Variants in TSHR observed in about 807,000 individuals in gnomAD.
TSHR encodes the protein thyrotropin receptor.
In TSHR, 51 loss-of-function variants were observed where a neutral mutation model predicts 64.1. The observed-to-expected ratio is 0.80, with a 90% CI of 0.64 to 1.01. The LOEUF (loss-of-function observed/expected upper bound fraction) is 1.01. TSHR is among the 50% of genes least tolerant of loss of function. The probability of loss-of-function intolerance (pLI) is 0.00; values close to 1 mark genes in which losing one functional copy is unlikely to be tolerated. For missense variants in TSHR, 877 were observed against 942.8 expected, an observed-to-expected ratio of 0.93 and a Z score of 0.91; for synonymous variants, 361 against 361.9, an observed-to-expected ratio of 1.00 and a Z score of 0.03.
chr14:81,145,133 G>C lies in TSHR; in HGVS notation c.*780G>C, dbSNP rs1891879410. The C allele has an allele frequency of 4.3e-6, 1 of 232,986 alleles. No homozygotes were observed. Among genetic ancestry groups the C allele is most frequent in the Admixed American group, 5.6e-5 (1 of 17,774 alleles). 14.4% of individuals were successfully genotyped at this position (232,986 alleles called of 1,614,324 possible). ...AGTCTTTCTGAGTAGCAATAAGTGG[G>C]AATTATGGGCAGAGCACACTCAATC... On this transcript the variant is annotated 3_prime_UTR_variant, in exon 10 of 10. Coordinates refer to ENST00000298171, the MANE Select transcript of TSHR (RefSeq NM_000369.5).
chr14:81,038,534 T>C (rs1298477891), intron 1 of TSHR, among the ~76,000 whole-genome samples: 2 of 150,344 alleles, frequency 1.3e-5, no homozygotes, highest in Non-Finnish European at 3.0e-5. Flanking sequence ...ATAGAAAACA[T>C]CAATGAAACA....
chr14:81,008,881 A>T (rs911175070), intron 1 of TSHR, among the ~76,000 whole-genome samples: 7 of 152,196 alleles, frequency 4.6e-5, no homozygotes. Flanking sequence ...TCTGTCCATG[A>T]TATATAGCAA....
chr14:81,143,969 G>A lies in TSHR; in HGVS notation c.1911G>A (p.Met637Ile), dbSNP rs1891824032. 3 of 1,614,038 alleles carry A rather than the reference G, an allele frequency of 1.9e-6. No individual in the cohort carries two copies. Among genetic ancestry groups the A allele is most frequent in the Non-Finnish European group, 2.5e-6 (3 of 1,180,010 alleles). ...AVLIFTDFICMAPISFYALSA... is the reference protein window; with the variant it reads ...AVLIFTDFICIAPISFYALSA... ...TGATCTTCACCGACTTCATATGCAT[G>A]GCCCCAATCTCATTCTATGCTCTGT... Residue 637 changes from methionine (M) to isoleucine (I), a missense_variant, in exon 10 of 10, where the codon ATG (methionine) becomes ATA (isoleucine). Coordinates refer to ENST00000298171, the MANE Select transcript of TSHR (RefSeq NM_000369.5).
intron 1 of TSHR, among the ~76,000 whole-genome samples, chr14:80,957,467 A>C (rs200303472): frequency 2.6e-4 from 10 of 38,622 alleles, no homozygotes; most frequent in African/African-American, 1.1e-3. Flanking sequence ...CAGAAAAAAC[A>C]AAAAAAAAAA....
chr14:81,092,520 C>G lies in TSHR; in HGVS notation c.468-11C>G, dbSNP rs1566808467. On this transcript the variant is annotated splice_polypyrimidine_tract_variant and intron_variant, in intron 5 of 9. Coordinates refer to ENST00000298171, the MANE Select transcript of TSHR (RefSeq NM_000369.5). ...TTTTTCATTAAGTGTTTTTGTCCCT[C>G]TCTCTTGCAGTGAAATTACAGACAA... The G allele has an allele frequency of 1.9e-6, 3 of 1,613,806 alleles. No homozygotes were observed. Among genetic ancestry groups the G allele is most frequent in the Non-Finnish European group, 2.5e-6 (3 of 1,179,822 alleles).
intron 1 of TSHR, chr14:80,994,131 A>G (rs1343236571): frequency 6.6e-6 from 1 of 152,094 alleles, no homozygotes; most frequent in Non-Finnish European, 1.5e-5. Context: ...TGAATAGTAA[A>G]TATAGTTTCT....
intron 6 of TSHR, among the ~76,000 whole-genome samples, chr14:81,095,252 C>A (rs1471406977): frequency 6.6e-6 from 1 of 152,096 alleles, no homozygotes; most frequent in Non-Finnish European, 1.5e-5. Flanking sequence ...GAAAGGGGGG[C>A]TGCTTTTGGT....
chr14:80,978,943 G>T (rs1888030901), intron 1 of TSHR, among the ~76,000 whole-genome samples: 1 of 152,152 alleles, frequency 6.6e-6, no homozygotes, highest in Non-Finnish European at 1.5e-5. Flanking sequence ...TAATGAATTT[G>T]AATTTCAGAT....
chr14:81,118,648 A>T (rs1307163173), intron 8 of TSHR, among the ~76,000 whole-genome samples: 1 of 152,156 alleles, frequency 6.6e-6, no homozygotes, highest in African/African-American at 2.4e-5. Flanking sequence ...GCTACCAATG[A>T]CTTTCGTCAC....
Position 81,143,615 on chromosome 14 carries a change from C to G in TSHR, c.1557C>G (p.Arg519=), listed in dbSNP as rs748751037. The change falls in exon 10 of 10, where the codon CGC becomes CGG. Residue 519 remains arginine (R), a synonymous_variant. Transcript: ENST00000298171. The part of the protein sequence containing the change: ...VYTLTVITLE[R]WYAITFAMRL... The stretch of plus-strand genomic sequence containing the variant: ...CGCTGACGGTCATCACCCTGGAGCG[C>G]TGGTATGCCATCACCTTCGCCATGC... 6.8e-6 allele frequency: 11 copies of G among 1,613,838 alleles called. No individual in the cohort carries two copies. The highest frequency in any genetic ancestry group is 3.3e-5 in the Admixed American group (2 of 60,002).
chr14:81,013,969 A>G (rs75858348), intron 1 of TSHR: 1 of 152,208 alleles, frequency 6.6e-6, no homozygotes, highest in Admixed American at 6.5e-5. Flanking sequence ...GGGAAAAAAA[A>G]GTGTACTAAT....
chr14:81,039,563 TAAAA>T (rs567081782), intron 1 of TSHR, among the ~76,000 whole-genome samples: 1 of 151,708 alleles, frequency 6.6e-6, no homozygotes, highest in Non-Finnish European at 1.5e-5. Flanking sequence ...TTTTATATAT[TAAAA>T]AAACCCTAAA....
intron 3 of TSHR, among the ~76,000 whole-genome samples, chr14:81,086,409 A>G (rs1196289551): frequency 6.6e-6 from 1 of 152,206 alleles, no homozygotes; most frequent in East Asian, 1.9e-4. Flanking sequence ...CCTAGTTGAA[A>G]AAACCAGAGA....
intron 1 of TSHR, among the ~76,000 whole-genome samples, chr14:80,980,526 C>T (rs1041366779): frequency 1.3e-5 from 2 of 152,204 alleles, no homozygotes; most frequent in Non-Finnish European, 2.9e-5. Context: ...TTATCCTTCT[C>T]TTGATGTTTT....
intron 1 of TSHR, chr14:81,012,690 A>C (rs1889980661): frequency 6.6e-6 from 1 of 152,156 alleles, no homozygotes; most frequent in South Asian, 2.1e-4. Flanking sequence ...TCTGGTGGCC[A>C]GTGATGGTGA....
At chr14:81,076,725 C>G (rs1160447592) in intron 3 of TSHR, among the ~76,000 whole-genome samples, 1 of 152,196 alleles carries the variant, frequency 6.6e-6, no homozygotes, top group African/African-American at 2.4e-5. Flanking sequence ...CTGCCACCAC[C>G]CTTATTTAAG....
intron 1 of TSHR, among the ~76,000 whole-genome samples, chr14:81,029,661 G>T (rs1253084576): frequency 6.6e-6 from 1 of 152,164 alleles, no homozygotes; most frequent in African/African-American, 2.4e-5. Flanking sequence ...AAATGAGTGT[G>T]TGCCATTCTG....
intron 3 of TSHR, among the ~76,000 whole-genome samples, chr14:81,073,563 G>A (rs113661000): frequency 0.016 from 2,432 of 152,052 alleles, 63 homozygotes; most frequent in African/African-American, 0.045. Flanking sequence ...AAATAACTCT[G>A]ATTTCTAATT....
In TSHR at chr14:80,982,740, A is replaced by C. The variant is rs377453742; in HGVS notation, c.170+26890A>C. On this transcript the variant is annotated intron_variant, in intron 1 of 9. Transcript: ENST00000298171. ...CTCCTTCATATATTGTTTTGGCCTC[A>C]GCTGAAGAAAATGCCTATTCTTTGC... The C allele has an allele frequency of 6.5e-5, 49 of 750,820 alleles. 1 individual carries two copies. In the South Asian group the frequency reaches 7.7e-4, roughly 12 times the overall value. The allele number at this position is 750,820 out of a possible 1,614,324, so 46.5% of individuals were successfully genotyped here.
Sources: gnomAD v4.1 joint callset for allele counts (sites outside exome capture counted in the v4.1 genomes callset) on GRCh38, gnomAD v4.1.1 for gene constraint, MANE v1.5 for transcripts, NCBI Gene and HGNC (gene_info 2026-07-23, HGNC 2026-07-21) for gene names.